The following CSMD3 variants were observed in gnomAD, a reference collection of about 807,000 sequenced individuals.
The protein encoded by CSMD3 is CUB and Sushi multiple domains 3.
In CSMD3, 177 loss-of-function variants were observed where a neutral mutation model predicts 435.2. That is an observed-to-expected ratio of 0.41 (90% CI 0.36 to 0.46). The LOEUF (loss-of-function observed/expected upper bound fraction) is 0.46, where lower values mean the gene tolerates loss of function less well. CSMD3 is among the 20% of genes least tolerant of loss of function. The pLI, the probability that CSMD3 is intolerant of heterozygous loss-of-function variation, is 0.34. For synonymous variants in CSMD3, 1,656 were observed against 1,520.5 expected, an observed-to-expected ratio of 1.09 and a Z score of -2.07; for missense variants, 4,265 against 4,504.6, an observed-to-expected ratio of 0.95 and a Z score of 1.52.
At chr8:112,322,582 CAT>C (rs1823100063) in intron 45 of CSMD3, among the ~76,000 whole-genome samples, 1 of 152,100 alleles carries the variant, frequency 6.6e-6, no homozygotes, top group African/African-American at 2.4e-5. Flanking sequence ...TTTGAATAAA[CAT>C]TCTACATTCT....
intron 3 of CSMD3, among the ~76,000 whole-genome samples, chr8:113,228,256 C>T (rs908339601): frequency 5.3e-5 from 8 of 151,538 alleles, no homozygotes; most frequent in Admixed American, 2.6e-4. Flanking sequence ...TTCAGGTCCA[C>T]CTTCCCCTAT....
Position 112,318,915 on chromosome 8 carries a change from T to C in CSMD3, c.7282A>G (p.Thr2428Ala), listed in dbSNP as rs755146882. The change falls in exon 47 of 71, where the codon ACT becomes GCT. Residue 2428 changes from threonine (T) to alanine (A), a missense_variant. Transcript: ENST00000297405. Reference protein sequence around the residue: ...IIRYQCLPGFTLVGNAILTCR... With the variant: ...IIRYQCLPGFALVGNAILTCR... Reference sequence around the variant, plus strand: ...GTCAGAATTGCATTACCAACTAAAGTAAATCCTGGAAGACACTGATACCTA... The same window carrying C: ...GTCAGAATTGCATTACCAACTAAAGCAAATCCTGGAAGACACTGATACCTA... 5 of 1,612,002 alleles carry C rather than the reference T, an allele frequency of 3.1e-6. No homozygotes were observed. In the South Asian group the frequency reaches 4.4e-5, roughly 14 times the overall value.
intron 5 of CSMD3, among the ~76,000 whole-genome samples, chr8:113,037,414 G>A (rs1285933846): frequency 6.6e-6 from 1 of 151,956 alleles, no homozygotes; most frequent in Non-Finnish European, 1.5e-5. Flanking sequence ...TCTCAAGACT[G>A]ATACCTCTCA....
At chr8:112,579,940 T>TTA (rs1416076547) in intron 23 of CSMD3, among the ~76,000 whole-genome samples, 9 of 152,070 alleles carry the variant, frequency 5.9e-5, no homozygotes, top group Admixed American at 2.6e-4. Context: ...AAATAAATCT[T>TTA]TAGACTACAC....
At chr8:113,239,467 TA>T (rs1039092292) in intron 3 of CSMD3, among the ~76,000 whole-genome samples, 2 of 151,488 alleles carry the variant, frequency 1.3e-5, no homozygotes, top group African/African-American at 4.9e-5. Flanking sequence ...GTGAGAATTA[TA>T]AAAATAAATT....
At chr8:113,139,970 G>C (rs2091508777) in intron 4 of CSMD3, among the ~76,000 whole-genome samples, 2 of 150,892 alleles carry the variant, frequency 1.3e-5, no homozygotes, top group Admixed American at 6.6e-5. Flanking sequence ...ATAGTCTTTT[G>C]GGTTTATTAT....
chr8:113,266,945 C>G (rs2093476619), intron 3 of CSMD3, among the ~76,000 whole-genome samples: 1 of 151,272 alleles, frequency 6.6e-6, no homozygotes, highest in Admixed American at 6.6e-5. Flanking sequence ...GCAAAGGACA[C>G]AAATAGACAT....
At chr8:112,269,333 T>G (rs1490419658) in intron 59 of CSMD3, among the ~76,000 whole-genome samples, 2 of 152,286 alleles carry the variant, frequency 1.3e-5, no homozygotes, top group South Asian at 4.1e-4. Context: ...AAAGGAAGCC[T>G]TAGATTCATT....
At position 112,341,625 on chromosome 8, in the gene CSMD3, T is replaced by C. The variant is rs2130993147; in HGVS notation, c.6504A>G (p.Arg2168=). 1 of 1,613,416 alleles carries C rather than the reference T, an allele frequency of 6.2e-7. No homozygotes were observed. Among genetic ancestry groups the C allele is most frequent in the Non-Finnish European group, 8.5e-7 (1 of 1,179,412 alleles). ...CAGTACTAGTTTCTGAGGATCCACT[T>C]CGTACTTCCAAATAATCATGTATGG... ...TETIHDYLEV[R]SGSSETSTVI... is the part of the protein sequence containing the mutation. The change falls in exon 42 of 71, where the codon CGA becomes CGG. Residue 2168 remains arginine (R), a synonymous_variant. Transcript: ENST00000297405.
intron 32 of CSMD3, among the ~76,000 whole-genome samples, chr8:112,447,120 A>G (rs1815696322): frequency 6.6e-6 from 1 of 152,182 alleles, no homozygotes; most frequent in Non-Finnish European, 1.5e-5. Flanking sequence ...TTATGTCAGT[A>G]ATGTATTTTT....
At chr8:112,769,480 C>A (rs2078058974) in intron 13 of CSMD3, among the ~76,000 whole-genome samples, 1 of 151,960 alleles carries the variant, frequency 6.6e-6, no homozygotes, top group South Asian at 2.1e-4. Flanking sequence ...AAGGTAATTA[C>A]ATTTTAAATT....
intron 17 of CSMD3, among the ~76,000 whole-genome samples, chr8:112,665,167 G>T (rs142206054): frequency 6.6e-6 from 1 of 152,098 alleles, no homozygotes; most frequent in South Asian, 2.1e-4. Flanking sequence ...AGTCAAATGC[G>T]AAGTTGTAAC....
At chr8:112,839,625 A>G (rs1021665179) in intron 11 of CSMD3, among the ~76,000 whole-genome samples, 1 of 151,730 alleles carries the variant, frequency 6.6e-6, no homozygotes, top group African/African-American at 2.4e-5. Flanking sequence ...AAAAATATGT[A>G]TGAGGCTAAT....
intron 30 of CSMD3, among the ~76,000 whole-genome samples, chr8:112,494,500 T>C (rs1398756428): frequency 0.021 from 685 of 33,290 alleles, 33 homozygotes; most frequent in African/African-American, 0.059. Context: ...CTCTCCTTTC[T>C]TTCTTTCTTT....
At chr8:113,153,037 GA>G (rs1469866340) in intron 4 of CSMD3, among the ~76,000 whole-genome samples, 1 of 115,682 alleles carries the variant, frequency 8.6e-6, no homozygotes, top group East Asian at 2.3e-4. Flanking sequence ...AGAAAAGAAA[GA>G]AAAAAGAAAA....
Position 112,859,994 on chromosome 8 carries a change from A to T in CSMD3, c.1634-728T>A, listed in dbSNP as rs550633399. 6.6e-5 allele frequency among the ~76,000 whole-genome samples: 10 copies of T among 151,972 alleles called. No individual in the cohort carries two copies. In the South Asian group the frequency reaches 2.1e-3, roughly 31 times the overall value. On this transcript the variant is annotated intron_variant, in intron 10 of 70. Coordinates refer to ENST00000297405, the MANE Select transcript of CSMD3 (RefSeq NM_198123.2). Reference sequence around the variant, plus strand: ...ATTATCATTTTCTAATCTGTCAAAAATAATCTATTGTATATTTAAATGATG... The same window carrying T: ...ATTATCATTTTCTAATCTGTCAAAATTAATCTATTGTATATTTAAATGATG...
At chr8:112,553,622 GT>G (rs1490548988) in intron 25 of CSMD3, among the ~76,000 whole-genome samples, 5 of 151,958 alleles carry the variant, frequency 3.3e-5, no homozygotes, top group Non-Finnish European at 7.4e-5. Flanking sequence ...TCCCAGCTCT[GT>G]TTGTCAGAGT....
chr8:113,415,057 T>C lies in CSMD3; in HGVS notation c.178+21620A>G, dbSNP rs1031511509. On this transcript the variant is annotated intron_variant, in intron 1 of 70. Transcript: ENST00000297405. ...AATTAACTAGTGAAAAGTAAGTTAA[T>C]ACGACTTTGGAAATTAAAAAAATAC... Among the ~76,000 whole-genome samples, 9 of 152,184 alleles carry C rather than the reference T, an allele frequency of 5.9e-5. No homozygotes were observed. In the East Asian group the frequency reaches 1.3e-3, roughly 23 times the overall value.
intron 22 of CSMD3, among the ~76,000 whole-genome samples, chr8:112,588,183 A>T (rs1250266760): frequency 1.3e-5 from 2 of 151,854 alleles, no homozygotes; most frequent in African/African-American, 4.8e-5. Flanking sequence ...AAAGGAAAAA[A>T]AAAACAAGTT....
Sources: gnomAD v4.1 joint callset for allele counts (sites outside exome capture counted in the v4.1 genomes callset) on GRCh38, gnomAD v4.1.1 for gene constraint, MANE v1.5 for transcripts, NCBI Gene and HGNC (gene_info 2026-07-23, HGNC 2026-07-21) for gene names.